The following MSR1 variants were observed in gnomAD, a reference collection of about 807,000 sequenced individuals.
The protein encoded by MSR1 is macrophage scavenger receptor 1, also known as macrophage scavenger receptor types I and II.
MSR1 carries 53 observed loss-of-function variants against 47.2 expected under a neutral mutation model. The ratio of observed to expected loss-of-function variants is 1.12; its 90% CI spans 0.90 to 1.41. The LOEUF is 1.41. MSR1 is among the 40% of genes most tolerant of loss of function. The pLI, the probability that MSR1 is intolerant of heterozygous loss-of-function variation, is 0.00. For synonymous variants in MSR1, 239 were observed against 185.6 expected, an observed-to-expected ratio of 1.29 and a Z score of -2.34; for missense variants, 786 against 546.9, an observed-to-expected ratio of 1.44 and a Z score of -4.36.
chr8:16,164,104 C>G lies in MSR1; in HGVS notation c.778G>C (p.Glu260Gln). 1 of 1,610,674 alleles carries G rather than the reference C, an allele frequency of 6.2e-7. No individual in the cohort carries two copies. Among genetic ancestry groups the G allele is most frequent in the South Asian group, 1.1e-5 (1 of 90,728 alleles). ...ATATTTCTCAAGGTCTGAGAATGTT[C>G]CCAATCTTTCAGTCTGAGATCATTA... is the stretch of plus-strand genomic sequence containing the variant. Reference protein sequence around the residue: ...ITNDLRLKDWEHSQTLRNITL... With the variant: ...ITNDLRLKDWQHSQTLRNITL... Residue 260 changes from glutamate (E) to glutamine (Q), a missense_variant, in exon 5 of 10, where the codon GAA (glutamate) becomes CAA (glutamine). Coordinates refer to ENST00000262101, the MANE Select transcript of MSR1 (RefSeq NM_138715.3).
chr8:16,136,155 G>A (rs531003158), intron 8 of MSR1, among the ~76,000 whole-genome samples: 1 of 152,216 alleles, frequency 6.6e-6, no homozygotes, highest in East Asian at 1.9e-4. Context: ...TCTAAAGTGG[G>A]TCAATGCTAT....
chr8:16,126,494 T>G (rs927506738), intron 8 of MSR1, among the ~76,000 whole-genome samples: 1 of 152,154 alleles, frequency 6.6e-6, no homozygotes, highest in Non-Finnish European at 1.5e-5. Flanking sequence ...CAGTTTGACC[T>G]GAAAGTTCTC....
chr8:16,124,193 G>T (rs974728247), intron 8 of MSR1, among the ~76,000 whole-genome samples: 2 of 152,158 alleles, frequency 1.3e-5, no homozygotes, highest in Non-Finnish European at 2.9e-5. Flanking sequence ...CGAGTCACTT[G>T]CATGAACATG....
Position 16,177,764 on chromosome 8 carries a change from G to A in MSR1, c.103+122C>T, listed in dbSNP as rs558418693. On this transcript the variant is annotated intron_variant, in intron 2 of 9. Coordinates refer to ENST00000262101, the MANE Select transcript of MSR1 (RefSeq NM_138715.3). ...ATTCTGTCTCAAGAATACCCCTGTT[G>A]GTCAAATAAGTATTATTTTAACATC... The A allele has an allele frequency of 6.0e-4, 454 of 755,244 alleles. 1 individual carries two copies. Among genetic ancestry groups the A allele is most frequent in the Non-Finnish European group, 9.6e-4 (417 of 433,958 alleles). The allele number at this position is 755,244 out of a possible 1,614,324, so 46.8% of individuals were successfully genotyped here.
In MSR1 at chr8:16,109,977, G is replaced by C; in HGVS notation, c.*108C>G. The C allele has an allele frequency of 5.4e-6, 7 of 1,292,606 alleles. No homozygotes were observed. Among genetic ancestry groups the C allele is most frequent in the Non-Finnish European group, 4.4e-6 (4 of 907,262 alleles). 80.1% of individuals were successfully genotyped at this position (1,292,606 alleles called of 1,614,324 possible). A position where few individuals can be genotyped will look rare whatever the true frequency, so the allele number is the denominator to read the frequency against. On this transcript the variant is annotated 3_prime_UTR_variant, in exon 10 of 10. Coordinates refer to ENST00000262101, the MANE Select transcript of MSR1 (RefSeq NM_138715.3). ...TCCTGTAATCTAAAATATTATTTGG[G>C]CAATATTCTTAATCTCTTAAATATT...
In MSR1 at chr8:16,168,538, T is replaced by G; in HGVS notation, c.550A>C (p.Asn184His). 6.2e-7 allele frequency: 1 copy of G among 1,614,148 alleles called. No individual in the cohort carries two copies. ...AGCTGCAAATCAAGCAATGTGGTAT[T>G]CAAACTTATTAAGGACTTGGAGATT... ...DEISKSLISL[N>H]TTLLDLQLNI... The change falls in exon 4 of 10, where the codon AAT becomes CAT. Residue 184 changes from asparagine to histidine, a missense_variant. Coordinates refer to ENST00000262101, the MANE Select transcript of MSR1 (RefSeq NM_138715.3).
chr8:16,186,177 G>C (rs76917531), intron 1 of MSR1: 99,914 of 1,530,390 alleles, frequency 0.065, 6,441 homozygotes, highest in East Asian at 0.35. Flanking sequence ...GTTGAGAAGA[G>C]AGATACTGAT....
chr8:16,171,469 G>A (rs907052135), intron 3 of MSR1, among the ~76,000 whole-genome samples: 2 of 151,892 alleles, frequency 1.3e-5, no homozygotes, highest in South Asian at 2.1e-4. Context: ...ATGTCTTAAC[G>A]TATCAATACC....
rs1003610325 is a variant in MSR1 at position 16,190,869 on chromosome 8, G to A, written c.-5+1729C>T. On this transcript the variant is annotated intron_variant, in intron 1 of 9. Coordinates refer to ENST00000262101, the MANE Select transcript of MSR1 (RefSeq NM_138715.3). ...CCGGAGTAACTGGGATTACAAGCAT[G>A]CACCACCACGCCCGGCTAATTTTGT... is the stretch of plus-strand genomic sequence containing the variant. 6.6e-5 allele frequency among the ~76,000 whole-genome samples: 10 copies of A among 151,896 alleles called. 1 individual carries two copies. Among genetic ancestry groups the A allele is most frequent in the African/African-American group, 2.4e-4 (10 of 41,342 alleles).
intron 9 of MSR1, among the ~76,000 whole-genome samples, chr8:16,116,579 T>G (rs781486260): frequency 1.2e-4 from 18 of 151,794 alleles, no homozygotes; most frequent in Non-Finnish European, 1.6e-4. Context: ...TGTCATTCTA[T>G]TCCTTATTTA....
chr8:16,132,635 C>A (rs1800288653), intron 8 of MSR1, among the ~76,000 whole-genome samples: 1 of 152,006 alleles, frequency 6.6e-6, no homozygotes, highest in African/African-American at 2.4e-5. Flanking sequence ...CTACAGGCAC[C>A]CACCACCACA....
Position 16,120,557 on chromosome 8 carries a change from C to G in MSR1, c.1083G>C (p.Gly361=). ...GGCCGCTGTGGAGTATCTCCACCCT[C>G]CCCTCGTGAGGGCCGCTCCCACCGA... The part of the protein sequence containing the change: ...RLVGGSGPHE[G]RVEILHSGQW... Residue 361 remains glycine, a synonymous_variant, in exon 9 of 10, where the codon GGG becomes GGC. Coordinates refer to ENST00000262101, the MANE Select transcript of MSR1 (RefSeq NM_138715.3). 1.2e-6 allele frequency: 2 copies of G among 1,611,404 alleles called. No individual in the cohort carries two copies. The highest frequency in any genetic ancestry group is 1.7e-6 in the Non-Finnish European group (2 of 1,179,460).
chr8:16,118,606 G>A (rs1799929211), intron 9 of MSR1, among the ~76,000 whole-genome samples: 3 of 152,000 alleles, frequency 2.0e-5, no homozygotes, highest in South Asian at 4.2e-4. Context: ...TTGAACCCAG[G>A]AGGCAGAGGT....
intron 7 of MSR1, among the ~76,000 whole-genome samples, chr8:16,148,751 C>G (rs556106129): frequency 1.3e-5 from 2 of 152,074 alleles, no homozygotes; most frequent in Non-Finnish European, 2.9e-5. Context: ...TGAGCCACCA[C>G]GCCCAGCCTA....
intron 1 of MSR1, among the ~76,000 whole-genome samples, chr8:16,189,758 A>G (rs112257782): frequency 7.8e-6 from 1 of 128,836 alleles, no homozygotes; most frequent in Non-Finnish European, 1.6e-5. Context: ...TATTTTATAT[A>G]TATTTTATAT....
chr8:16,185,806 G>A (rs181134156), intron 1 of MSR1, among the ~76,000 whole-genome samples: 9 of 149,084 alleles, frequency 6.0e-5, no homozygotes, highest in South Asian at 2.1e-4. Flanking sequence ...ACAAAGAATC[G>A]TAGGGAAAAA....
chr8:16,192,274 T>C (rs1396079104), intron 1 of MSR1, among the ~76,000 whole-genome samples: 1 of 152,150 alleles, frequency 6.6e-6, no homozygotes, highest in East Asian at 1.9e-4. Context: ...AAAACCAGTA[T>C]TTTAAACAAA....
intron 8 of MSR1, among the ~76,000 whole-genome samples, chr8:16,121,646 AAAT>A (rs1460883412): frequency 2.6e-5 from 4 of 151,752 alleles, no homozygotes; most frequent in Non-Finnish European, 5.9e-5. Context: ...TATTAAATAA[AAAT>A]AATATTTTCT....
intron 8 of MSR1, among the ~76,000 whole-genome samples, chr8:16,129,285 T>C (rs956464823): frequency 6.6e-6 from 1 of 152,118 alleles, no homozygotes; most frequent in African/African-American, 2.4e-5. Flanking sequence ...GTCCAATGTT[T>C]TACTTTGGCA....
Sources: allele counts gnomAD v4.1 joint callset (sites outside exome capture counted in the v4.1 genomes callset), GRCh38; gene constraint gnomAD v4.1.1; transcripts MANE v1.5; gene names NCBI Gene and HGNC (gene_info 2026-07-23, HGNC 2026-07-21).